The following CSMD1 variants were observed in gnomAD, a reference collection of about 807,000 sequenced individuals.
CSMD1 encodes the protein CUB and sushi domain-containing protein 1.
In CSMD1, 213 loss-of-function variants were observed where a neutral mutation model predicts 417.5. The observed-to-expected ratio is 0.51, with a 90% CI of 0.46 to 0.57. The LOEUF (loss-of-function observed/expected upper bound fraction) is 0.57. Ranked by LOEUF, CSMD1 falls within the 20% of genes least tolerant of loss-of-function variation. The pLI, the probability that CSMD1 is intolerant of heterozygous loss-of-function variation, is 0.00. For synonymous variants in CSMD1, 2,862 were observed against 1,736.8 expected, an observed-to-expected ratio of 1.65 and a Z score of -16.11; for missense variants, 6,923 against 4,529.7, an observed-to-expected ratio of 1.53 and a Z score of -15.17.
chr8:3,269,551 G>T (rs1233951305), intron 26 of CSMD1, among the ~76,000 whole-genome samples: 1 of 152,196 alleles, frequency 6.6e-6, no homozygotes, highest in East Asian at 1.9e-4. Context: ...TCATGTAGCT[G>T]TTACATTACT....
intron 4 of CSMD1, among the ~76,000 whole-genome samples, chr8:4,014,195 C>G (rs1417292855): frequency 2.0e-5 from 3 of 152,070 alleles, no homozygotes; most frequent in African/African-American, 7.3e-5. Flanking sequence ...GTTTGCAAAG[C>G]ATAAACAACA....
At chr8:4,153,719 A>G (rs1053979398) in intron 3 of CSMD1, among the ~76,000 whole-genome samples, 2 of 152,198 alleles carry the variant, frequency 1.3e-5, no homozygotes, top group African/African-American at 4.8e-5. Flanking sequence ...CAGATATAAG[A>G]ACCCATGCAG....
intron 2 of CSMD1, among the ~76,000 whole-genome samples, chr8:4,454,707 A>C (rs1387365277): frequency 6.6e-6 from 1 of 152,208 alleles, no homozygotes; most frequent in Non-Finnish European, 1.5e-5. Flanking sequence ...AATCAACCTG[A>C]AACTTTCGGT....
chr8:4,231,923 A>G (rs1310501734), intron 3 of CSMD1, among the ~76,000 whole-genome samples: 1 of 35,958 alleles, frequency 2.8e-5, no homozygotes, highest in African/African-American at 1.2e-4. Flanking sequence ...CATACATAAA[A>G]TATGTGTTTT....
intron 5 of CSMD1, among the ~76,000 whole-genome samples, chr8:3,955,634 C>A (rs948405734): frequency 6.6e-6 from 1 of 152,094 alleles, no homozygotes; most frequent in Non-Finnish European, 1.5e-5. Flanking sequence ...TCAATAAATA[C>A]CTCACTACTT....
chr8:4,752,689 G>A lies in CSMD1; in HGVS notation c.86-115131C>T, dbSNP rs1585044476. Among the ~76,000 whole-genome samples the A allele has an allele frequency of 2.0e-5, 3 of 152,272 alleles. No individual in the cohort carries two copies. In the South Asian group the frequency reaches 6.2e-4, roughly 32 times the overall value. On this transcript the variant is annotated intron_variant, in intron 1 of 69. Transcript: ENST00000635120. ...TAAAATCTGATGGTGAAATGGGATT[G>A]CTCTACACAGGGGTGGTTTACCTTT...
intron 2 of CSMD1, among the ~76,000 whole-genome samples, chr8:4,609,200 G>C (rs751632797): frequency 7.9e-5 from 12 of 152,280 alleles, no homozygotes; most frequent in Non-Finnish European, 1.2e-4. Flanking sequence ...TGGTGTTCCA[G>C]ACCAGCCTGG....
rs145350193 is a variant in CSMD1 at position 4,456,325 on chromosome 8, A to C, written c.303-36260T>G. Among the ~76,000 whole-genome samples, 22 of 152,314 alleles carry C rather than the reference A, an allele frequency of 1.4e-4. No homozygotes were observed. In the East Asian group the frequency reaches 4.0e-3, roughly 28 times the overall value. ...GTAATAAAGACAGCAGTAATAAAAA[A>C]ATTAGTCATAGAGCAGGAACATGTT... On this transcript the variant is annotated intron_variant, in intron 2 of 69. Transcript: ENST00000635120.
chr8:4,893,093 G>C (rs1804233071), intron 1 of CSMD1, among the ~76,000 whole-genome samples: 1 of 152,082 alleles, frequency 6.6e-6, no homozygotes, highest in Non-Finnish European at 1.5e-5. Context: ...CTCGTCACTG[G>C]ATATTATCTC....
chr8:3,035,096 CTGTG>C (rs1810586069), intron 50 of CSMD1, among the ~76,000 whole-genome samples: 5 of 152,156 alleles, frequency 3.3e-5, no homozygotes, highest in Non-Finnish European at 5.9e-5. Context: ...CTGAGTACCT[CTGTG>C]CTGACATTTT....
intron 11 of CSMD1, among the ~76,000 whole-genome samples, chr8:3,475,341 A>G (rs1817344528): frequency 6.6e-6 from 1 of 152,328 alleles, no homozygotes; most frequent in East Asian, 1.9e-4. Context: ...AGTAAATAAC[A>G]TAAACATTTT....
chr8:4,222,542 C>A (rs1328957691), intron 3 of CSMD1, among the ~76,000 whole-genome samples: 1 of 151,916 alleles, frequency 6.6e-6, no homozygotes, highest in African/African-American at 2.4e-5. Context: ...ACATAAAAAC[C>A]ACAGAAGTAC....
At chr8:3,208,453 G>C (rs995652954) in intron 30 of CSMD1, among the ~76,000 whole-genome samples, 1 of 152,134 alleles carries the variant, frequency 6.6e-6, no homozygotes, top group African/African-American at 2.4e-5. Flanking sequence ...TTTTAGTAGA[G>C]ATGGGATTTC....
chr8:4,146,158 C>T (rs894192751), intron 3 of CSMD1, among the ~76,000 whole-genome samples: 4 of 150,836 alleles, frequency 2.7e-5, no homozygotes, highest in Non-Finnish European at 5.9e-5. Flanking sequence ...GACATATAAT[C>T]CAGCCTCATA....
Position 4,163,027 on chromosome 8 carries a change from G to T in CSMD1, c.416-130928C>A, listed in dbSNP as rs116318574. Among the ~76,000 whole-genome samples, 829 of 152,134 alleles carry T rather than the reference G, an allele frequency of 5.4e-3. 11 individuals carry two copies. Among genetic ancestry groups the T allele is most frequent in the African/African-American group, 0.019 (804 of 41,488 alleles). On this transcript the variant is annotated intron_variant, in intron 3 of 69. Coordinates refer to ENST00000635120, the MANE Select transcript of CSMD1 (RefSeq NM_033225.6). ...AGACTGACTTCTTTCACTTAGTAAC[G>T]TGCACTTCAGTTCACTCTATGTCTT... is the stretch of plus-strand genomic sequence containing the variant.
chr8:3,885,496 G>A (rs533394521), intron 5 of CSMD1, among the ~76,000 whole-genome samples: 3 of 152,190 alleles, frequency 2.0e-5, no homozygotes, highest in South Asian at 2.1e-4. Flanking sequence ...ATAAACTCTC[G>A]AAAAATGTCT....
At chr8:2,963,511 TA>T (rs921667821) in intron 59 of CSMD1, 116 bp from the exon 60 acceptor site, 440 of 935,374 alleles carry the variant, frequency 4.7e-4, no homozygotes, top group South Asian at 6.4e-4. Context: ...CATAGGTTTT[TA>T]AAAAAAAATA....
intron 3 of CSMD1, among the ~76,000 whole-genome samples, chr8:4,185,491 G>T (rs1163326092): frequency 2.6e-5 from 4 of 151,900 alleles, no homozygotes; most frequent in African/African-American, 9.7e-5. Context: ...ATCCATTCAG[G>T]GAATCCGAAA....
At position 3,586,179 on chromosome 8, in the gene CSMD1, T is replaced by C. The variant is rs770764898; in HGVS notation, c.1179A>G (p.Thr393=). The change falls in exon 9 of 70, where the codon ACA becomes ACG. Residue 393 remains threonine (T), a synonymous_variant. Coordinates refer to ENST00000635120, the MANE Select transcript of CSMD1 (RefSeq NM_033225.6). ...GGTCACTCCAAGCAGCGAGCGTCTC[T>C]GTAACTCTCTGACAGGTGATGCTTT... The part of the protein sequence containing the change: ...GSKSITCQRV[T]ETLAAWSDHR... 4 of 1,612,880 alleles carry C rather than the reference T, an allele frequency of 2.5e-6. No individual in the cohort carries two copies. The highest frequency in any genetic ancestry group is 2.5e-6 in the Non-Finnish European group (3 of 1,179,434).
Sources: allele counts gnomAD v4.1 joint callset (sites outside exome capture counted in the v4.1 genomes callset), GRCh38; gene constraint gnomAD v4.1.1; transcripts MANE v1.5; gene names NCBI Gene and HGNC (gene_info 2026-07-23, HGNC 2026-07-21).